Variants in RPA1 observed in about 807,000 individuals in gnomAD.
RPA1 encodes the protein replication protein A 70 kDa DNA-binding subunit.
A neutral mutation model predicts 83.0 loss-of-function variants in RPA1; 49 were observed. The observed-to-expected ratio is 0.59, with a 90% CI of 0.47 to 0.75. RPA1 has a LOEUF of 0.75. RPA1 is among the 30% of genes least tolerant of loss of function. The pLI, the probability that RPA1 is intolerant of heterozygous loss-of-function variation, is 0.00. For synonymous variants in RPA1, 279 were observed against 281.8 expected (o/e 0.99, Z 0.10); for missense variants, 693 against 776.1 (o/e 0.89, Z 1.27).
intron 1 of RPA1, among the ~76,000 whole-genome samples, chr17:1,840,432 A>C (rs1912001262): frequency 6.6e-6 from 1 of 152,114 alleles, no homozygotes; most frequent in African/African-American, 2.4e-5. Flanking sequence ...GACTACAGGC[A>C]CGTCCCACCA....
chr17:1,875,926 T>A, intron 7 of RPA1, 133 bp downstream of exon 7: 1 of 601,592 alleles, frequency 1.7e-6, no homozygotes, highest in Non-Finnish European at 2.3e-6. Flanking sequence ...TTTACTCTTT[T>A]TTTTTTTTTT....
intron 2 of RPA1, 138 bp downstream of exon 2, chr17:1,842,991 T>C: frequency 2.5e-6 from 2 of 788,058 alleles, no homozygotes; most frequent in Non-Finnish European, 4.3e-6. Context: ...CCAGTCTACA[T>C]TGTAACCCTG....
intron 16 of RPA1, among the ~76,000 whole-genome samples, chr17:1,896,335 G>A (rs1167626791): frequency 5.3e-5 from 8 of 152,188 alleles, no homozygotes; most frequent in South Asian, 2.1e-4. Flanking sequence ...GTATCACTCC[G>A]TTCTGCCCGG....
rs975803429 is a variant in RPA1, at chr17:1,830,137, G to T, written c.33+11G>T. ...GAGGGGGCCATTGCGGTGAGGAGGT[G>T]CCGGGGGCTGGGCCGGCGGTCCGGG... On this transcript the variant is annotated intron_variant, in intron 1 of 16. Coordinates refer to ENST00000254719, the MANE Select transcript of RPA1 (RefSeq NM_002945.5). 8 of 1,244,900 alleles carry T rather than the reference G, an allele frequency of 6.4e-6. No individual in the cohort carries two copies. In the South Asian group the frequency reaches 3.3e-4, roughly 51 times the overall value. 77.1% of individuals were successfully genotyped at this position (1,244,900 alleles called of 1,614,324 possible).
rs375905198 is a variant in RPA1 at position 1,871,209 on chromosome 17, T to C, written c.362-1225T>C. 1.1e-4 allele frequency among the ~76,000 whole-genome samples: 17 copies of C among 152,352 alleles called. No individual in the cohort carries two copies. In the South Asian group the frequency reaches 1.4e-3, roughly 13 times the overall value. ...TGTCAATAATCTGGCTCTTTTTCTA[T>C]GTAAATAAGGTCTCTCAATTTTTCT... is the stretch of plus-strand genomic sequence containing the variant. On this transcript the variant is annotated intron_variant, in intron 5 of 16. Transcript: ENST00000254719.
rs778685783 is a variant in RPA1, at chr17:1,879,326, G to A, written c.871G>A (p.Asp291Asn). The change falls in exon 10 of 17, where the codon GAC becomes AAC. Residue 291 changes from aspartate to asparagine, a missense_variant. Coordinates refer to ENST00000254719, the MANE Select transcript of RPA1 (RefSeq NM_002945.5). The part of the protein sequence containing the change: ...NNETSVMPCE[D>N]DHHLPTVQFD... Reference sequence around the variant, plus strand: ...CGAGACTTCCGTCATGCCCTGTGAGGACGACCATCATTTACCTACGGTTCA... The same window carrying A: ...CGAGACTTCCGTCATGCCCTGTGAGAACGACCATCATTTACCTACGGTTCA... 1.3e-5 allele frequency: 21 copies of A among 1,614,076 alleles called. No individual in the cohort carries two copies. In the Admixed American group the frequency reaches 2.8e-4, roughly 22 times the overall value.
chr17:1,851,875 T>C (rs950403288), intron 4 of RPA1, among the ~76,000 whole-genome samples: 1 of 152,230 alleles, frequency 6.6e-6, no homozygotes, highest in African/African-American at 2.4e-5. Flanking sequence ...ATTGATTGTA[T>C]GTAAAAATCC....
chr17:1,849,677 G>A (rs1477100785), intron 4 of RPA1, among the ~76,000 whole-genome samples: 1 of 151,284 alleles, frequency 6.6e-6, no homozygotes, highest in African/African-American at 2.4e-5. Flanking sequence ...GTTGGACGAT[G>A]GTAATGTCAG....
intron 7 of RPA1, 85 bp from the exon 8 acceptor site, chr17:1,877,127 C>T (rs947661758): frequency 2.8e-5 from 36 of 1,285,398 alleles, no homozygotes; most frequent in Admixed American, 2.8e-4. Flanking sequence ...ATGCGTAAGA[C>T]GAGAAAGGCT....
intron 5 of RPA1, among the ~76,000 whole-genome samples, chr17:1,861,469 G>T (rs1020125369): frequency 1.3e-5 from 2 of 152,152 alleles, no homozygotes; most frequent in African/African-American, 4.8e-5. Context: ...TGCTCCATTT[G>T]TCCGGTACGT....
rs76030295 is a variant in RPA1 at position 1,851,540 on chromosome 17, A to C, written c.273-1561A>C. Among the ~76,000 whole-genome samples the C allele has an allele frequency of 7.2e-3, 1,094 of 152,274 alleles. 15 individuals carry two copies. The highest frequency in any genetic ancestry group is 0.025 in the African/African-American group (1,058 of 41,538). ...TCTGTATTCTCTGTAAGTTGATATT[A>C]GTGTATTCTTTTAATATGCTGCTAG... On this transcript the variant is annotated intron_variant, in intron 4 of 16. Transcript: ENST00000254719.
At chr17:1,859,904 C>G (rs2151278449) in intron 5 of RPA1, among the ~76,000 whole-genome samples, 1 of 152,288 alleles carries the variant, frequency 6.6e-6, no homozygotes, top group Non-Finnish European at 1.5e-5. Flanking sequence ...CCTCCGCCTC[C>G]CAGGTTCAAG....
chr17:1,858,354 C>A, intron 5 of RPA1: 1 of 1,607,412 alleles, frequency 6.2e-7, no homozygotes, highest in Non-Finnish European at 8.5e-7. Context: ...TGGACATCGC[C>A]ATGGGAAGAG....
At chr17:1,862,659 T>TC (rs1913024330) in intron 5 of RPA1, among the ~76,000 whole-genome samples, 2 of 145,730 alleles carry the variant, frequency 1.4e-5, no homozygotes, top group Admixed American at 1.4e-4. Flanking sequence ...CCTCAAGTGA[T>TC]CCGCCCACCT....
intron 4 of RPA1, among the ~76,000 whole-genome samples, chr17:1,852,469 C>T (rs993738814): frequency 6.6e-5 from 10 of 152,150 alleles, no homozygotes; most frequent in Non-Finnish European, 1.2e-4. Context: ...CAGAGCATCA[C>T]GGACAAAGGC....
chr17:1,862,935 C>T (rs530155152), intron 5 of RPA1, among the ~76,000 whole-genome samples: 1 of 151,706 alleles, frequency 6.6e-6, no homozygotes, highest in Non-Finnish European at 1.5e-5. Flanking sequence ...CCAGGCTAGT[C>T]TCGAACTGCT....
intron 5 of RPA1, among the ~76,000 whole-genome samples, chr17:1,870,063 A>G (rs1376188288): frequency 6.6e-6 from 1 of 152,162 alleles, no homozygotes; most frequent in African/African-American, 2.4e-5. Flanking sequence ...CCTCGGTTCA[A>G]GCAGATGTCC....
chr17:1,846,039 T>C (rs1971436581), intron 4 of RPA1, among the ~76,000 whole-genome samples: 1 of 152,228 alleles, frequency 6.6e-6, no homozygotes, highest in African/African-American at 2.4e-5. Flanking sequence ...ATTTTAGGAC[T>C]CTTACATTTT....
In RPA1 at chr17:1,883,849, A is replaced by G. The variant is rs1489925272; in HGVS notation, c.1279A>G (p.Ile427Val). ...AEGQALDGVS[I>V]SDLKSGGVGG... is the part of the protein sequence containing the mutation. ...AGGACAAGCCTTAGATGGTGTTTCC[A>G]TCTCTGATCTAAAGAGCGGCGGAGT... The change falls in exon 13 of 17, where the codon ATC becomes GTC. Residue 427 changes from isoleucine (I) to valine (V), a missense_variant. Physicochemically the swap from Ile to Val is conservative, Grantham distance 29 (BLOSUM62 3). Transcript: ENST00000254719. 1 of 1,614,202 alleles carries G rather than the reference A, an allele frequency of 6.2e-7. No individual in the cohort carries two copies. The highest frequency in any genetic ancestry group is 8.5e-7 in the Non-Finnish European group (1 of 1,180,028).
Sources: gnomAD v4.1 joint callset for allele counts (sites outside exome capture counted in the v4.1 genomes callset) on GRCh38, gnomAD v4.1.1 for gene constraint, MANE v1.5 for transcripts, NCBI Gene and HGNC (gene_info 2026-07-23, HGNC 2026-07-21) for gene names.